The following TMEM51 variants were observed in gnomAD, a reference collection of about 807,000 sequenced individuals.
TMEM51 encodes chromosome 1 open reading frame 72.
A neutral mutation model predicts 13.6 loss-of-function variants in TMEM51; 8 were observed. The ratio of observed to expected loss-of-function variants is 0.59; its 90% CI spans 0.35 to 1.07. TMEM51 has a LOEUF of 1.07. Among genes scored for constraint, TMEM51 ranks in the 50% least tolerant of loss-of-function variants. The pLI, the probability that TMEM51 is intolerant of heterozygous loss-of-function variation, is 0.02. For synonymous variants in TMEM51, 147 were observed against 144.4 expected (o/e 1.02, Z -0.13); for missense variants, 279 against 330.7 (o/e 0.84, Z 1.21).
chr1:15,164,303 A>G (rs569771966), intron 1 of TMEM51: 3 of 454,224 alleles, frequency 6.6e-6, no homozygotes, highest in Admixed American at 2.4e-5. Flanking sequence ...TCTCCTTAGT[A>G]TCTTCTGAAC....
chr1:15,163,640 T>TTTTTTTTTTTTGAG (rs1553197697), intron 1 of TMEM51, among the ~76,000 whole-genome samples: 103 of 150,204 alleles, frequency 6.9e-4, no homozygotes, highest in Non-Finnish European at 9.6e-4. Context: ...TTATTTTTTG[T>TTTTTTTTTTTTGAG]AATAATAGCA....
intron 1 of TMEM51, among the ~76,000 whole-genome samples, chr1:15,199,478 G>A (rs1007750284): frequency 1.3e-5 from 2 of 152,194 alleles, no homozygotes; most frequent in East Asian, 3.8e-4. Context: ...GTGGTTGTGA[G>A]GGTGGGCTAG....
chr1:15,171,956 T>C (rs4436387), intron 1 of TMEM51, among the ~76,000 whole-genome samples: 108,114 of 152,078 alleles, frequency 0.71, 40,288 homozygotes, highest in East Asian at 0.96. Flanking sequence ...AAAGCAGATT[T>C]CCAGGCCCCA....
In TMEM51 at chr1:15,220,028, G is replaced by A. The variant is rs933533101; in HGVS notation, c.*285G>A. On this transcript the variant is annotated 3_prime_UTR_variant, in exon 4 of 4. Transcript: ENST00000376008. ...GGCATCTTCCCATCCTTTTCACTCC[G>A]AATCGCTGGCGACACATTCTCCTTT... 7 of 407,992 alleles carry A rather than the reference G, an allele frequency of 1.7e-5. No individual in the cohort carries two copies. The highest frequency in any genetic ancestry group is 8.0e-5 in the Admixed American group (2 of 25,114). 25.3% of individuals were successfully genotyped at this position (407,992 alleles called of 1,614,324 possible).
chr1:15,191,307 TC>T lies in TMEM51; in HGVS notation c.-266-19182del, dbSNP rs1191066723. 3.9e-5 allele frequency among the ~76,000 whole-genome samples: 6 copies of T among 152,338 alleles called. No individual in the cohort carries two copies. The East Asian group carries it at 1.2e-3, about 29-fold the overall frequency. The stretch of plus-strand genomic sequence containing the variant: ...CCGTTGGTCACCTTGATTGTAGACC[TC>T]TGACCTCCAGAACGACAAGAGAATA... On this transcript the variant is annotated intron_variant, in intron 1 of 3. Transcript: ENST00000376008.
chr1:15,167,100 G>A lies in TMEM51; in HGVS notation c.-267+13146G>A, dbSNP rs555102567. Among the ~76,000 whole-genome samples the A allele has an allele frequency of 2.8e-4, 43 of 152,146 alleles. No individual in the cohort carries two copies. The South Asian group carries it at 8.7e-3, about 31-fold the overall frequency. On this transcript the variant is annotated intron_variant, in intron 1 of 3. Coordinates refer to ENST00000376008, the MANE Select transcript of TMEM51 (RefSeq NM_001136218.2). ...CCCAGCACTTTGGGAGGCCGAGGCG[G>A]GCAGATCACGAGGTCAGGAGATCGA...
At position 15,215,133 on chromosome 1, in the gene TMEM51, G is replaced by A. The variant is rs748099656; in HGVS notation, c.46G>A (p.Ala16Thr). ...KANGSHYALT[A>T]IGLGMLVLGV... is the part of the protein sequence containing the mutation. ...CAATGGCTCGCACTATGCGCTGACC[G>A]CCATCGGCCTGGGGATGCTGGTCCT... Residue 16 changes from alanine (A) to threonine (T), a missense_variant, in exon 3 of 4, where the codon GCC becomes ACC. Physicochemically the swap from Ala to Thr is moderately conservative, Grantham distance 58. Transcript: ENST00000376008. 7 of 1,614,022 alleles carry A rather than the reference G, an allele frequency of 4.3e-6. No homozygotes were observed. Among genetic ancestry groups the A allele is most frequent in the East Asian group, 2.2e-5 (1 of 44,882 alleles).
intron 2 of TMEM51, among the ~76,000 whole-genome samples, chr1:15,212,854 T>A (rs1489178033): frequency 6.6e-6 from 1 of 152,242 alleles, no homozygotes; most frequent in Non-Finnish European, 1.5e-5. Context: ...CGCATGCACA[T>A]GTGCTCATGT....
chr1:15,166,535 C>T (rs983144539), intron 1 of TMEM51, among the ~76,000 whole-genome samples: 10 of 152,072 alleles, frequency 6.6e-5, no homozygotes, highest in Admixed American at 2.6e-4. Flanking sequence ...GCCTGACCAA[C>T]GTGGTGAAAC....
At chr1:15,188,520 A>G (rs1643854151) in intron 1 of TMEM51, among the ~76,000 whole-genome samples, 2 of 152,228 alleles carry the variant, frequency 1.3e-5, no homozygotes, top group African/African-American at 4.8e-5. Flanking sequence ...CAGCATGGCC[A>G]TACCCCAGGG....
At position 15,185,530 on chromosome 1, in the gene TMEM51, G is replaced by A. The variant is rs77063124; in HGVS notation, c.-266-24960G>A. Among the ~76,000 whole-genome samples, 664 of 152,290 alleles carry A rather than the reference G, an allele frequency of 4.4e-3. 2 individuals are homozygous for A. The highest frequency in any genetic ancestry group is 7.6e-3 in the Non-Finnish European group (520 of 68,020). On this transcript the variant is annotated intron_variant, in intron 1 of 3. Transcript: ENST00000376008. Reference sequence around the variant, plus strand: ...ATAAGTAGTCTCTTCTTCATTTACTGGGATATTAATTTCAGATTTTCAGTT... The same window carrying A: ...ATAAGTAGTCTCTTCTTCATTTACTAGGATATTAATTTCAGATTTTCAGTT...
intron 1 of TMEM51, among the ~76,000 whole-genome samples, chr1:15,154,877 C>T (rs1642533752): frequency 6.9e-6 from 1 of 144,542 alleles, no homozygotes; most frequent in African/African-American, 2.5e-5. Context: ...AACCCGGGCG[C>T]TGCCGGAGTG....
chr1:15,163,847 G>A (rs1005559822), intron 1 of TMEM51, among the ~76,000 whole-genome samples: 2 of 138,102 alleles, frequency 1.4e-5, no homozygotes, highest in Non-Finnish European at 3.2e-5. Flanking sequence ...GAGGGGGGAG[G>A]GGACAAAGTC....
At chr1:15,189,409 G>T (rs1484814131) in intron 1 of TMEM51, among the ~76,000 whole-genome samples, 1 of 151,926 alleles carries the variant, frequency 6.6e-6, no homozygotes, top group Non-Finnish European at 1.5e-5. Flanking sequence ...GTTTCTCCAG[G>T]CTCAGGAAGC....
At chr1:15,192,578 C>T (rs541239785) in intron 1 of TMEM51, 41 of 185,474 alleles carry the variant, frequency 2.2e-4, no homozygotes, top group Non-Finnish European at 4.2e-4. Context: ...CTCAGCCTCC[C>T]GAGTAGCTGG....
chr1:15,168,549 A>C (rs1027454266), intron 1 of TMEM51: 82 of 1,304,774 alleles, frequency 6.3e-5, no homozygotes, highest in Non-Finnish European at 8.1e-5. Flanking sequence ...ATTTAACAGC[A>C]TAGGCTGTTT....
At position 15,161,235 on chromosome 1, in the gene TMEM51, G is replaced by A. The variant is rs1425777790; in HGVS notation, c.-267+7281G>A. ...AAAAGTCATTTTGGGGGCTGGGCAT[G>A]GTGGCTCATACCTGTAATCCCAGCA... is the stretch of plus-strand genomic sequence containing the variant. On this transcript the variant is annotated intron_variant, in intron 1 of 3. Transcript: ENST00000376008. The surrounding 1 kb of genome is among the most constrained non-coding windows in gnomAD (Gnocchi z 4.0). Among the ~76,000 whole-genome samples the A allele has an allele frequency of 1.3e-5, 2 of 152,088 alleles. No individual in the cohort carries two copies. The highest frequency in any genetic ancestry group is 1.9e-4 in the East Asian group (1 of 5,200).
rs192444616 is a variant in TMEM51, at chr1:15,195,843, A to G, written c.-266-14647A>G. 2.2e-3 allele frequency among the ~76,000 whole-genome samples: 337 copies of G among 152,306 alleles called. 1 individual carries two copies. Among genetic ancestry groups the G allele is most frequent in the Non-Finnish European group, 2.3e-3 (158 of 68,026 alleles). On this transcript the variant is annotated intron_variant, in intron 1 of 3. Transcript: ENST00000376008. ...AACCGACTGCCCTCGGCCTTGACCC[A>G]GCAGGATTCCCAGGAGACGTGGCTT...
intron 3 of TMEM51, among the ~76,000 whole-genome samples, chr1:15,216,748 A>G (rs1296537462): frequency 6.6e-6 from 1 of 152,256 alleles, no homozygotes; most frequent in Non-Finnish European, 1.5e-5. Context: ...TGACGTACCT[A>G]TTCAATGGAG....
Sources: allele counts gnomAD v4.1 joint callset (sites outside exome capture counted in the v4.1 genomes callset), GRCh38; gene constraint gnomAD v4.1.1; non-coding constraint Gnocchi (gnomAD v3.1); transcripts MANE v1.5; gene names NCBI Gene and HGNC (gene_info 2026-07-23, HGNC 2026-07-21).